Variants in AK9 observed in about 807,000 individuals in gnomAD.
AK9 encodes the protein adenylate kinase domain containing 1.
Under a neutral mutation model 239.6 loss-of-function variants are expected in AK9, and 191 were observed. That is an observed-to-expected ratio of 0.80 (90% CI 0.71 to 0.90). The LOEUF (loss-of-function observed/expected upper bound fraction) is 0.90, where lower values mean the gene tolerates loss of function less well. AK9 is among the 40% of genes least tolerant of loss of function. AK9 has a pLI of 0.00. For missense variants in AK9, 1,995 were observed against 2,214.7 expected (o/e 0.90, Z 1.99); for synonymous variants, 689 against 721.0 (o/e 0.96, Z 0.71).
rs376174161 is a variant in AK9, at chr6:109,510,026, G to A, written c.4280-646C>T. On this transcript the variant is annotated intron_variant, in intron 32 of 40. Transcript: ENST00000424296. ...GCAGGGGTTGGGGCCAAGCCCCAGG[G>A]GCCATTGATTCCTGGCAGATTGATT... Among the ~76,000 whole-genome samples the A allele has an allele frequency of 1.6e-4, 25 of 152,180 alleles. No individual in the cohort carries two copies. The South Asian group carries it at 3.1e-3, about 19-fold the overall frequency.
chr6:109,623,823 C>CT (rs1321014524), intron 12 of AK9, among the ~76,000 whole-genome samples: 1 of 148,434 alleles, frequency 6.7e-6, no homozygotes. Flanking sequence ...CTGGATAAAA[C>CT]TTTTTCTTCC....
At position 109,638,904 on chromosome 6, in the gene AK9, T is replaced by C. The variant is rs1038057298; in HGVS notation, c.933+2614A>G. On this transcript the variant is annotated intron_variant, in intron 10 of 40. Coordinates refer to ENST00000424296, the MANE Select transcript of AK9 (RefSeq NM_001145128.3). Reference sequence around the variant, plus strand: ...CCTATGAGTGAGAACATGCAGTGTTTGGTTTTCTGTCCTTGCCATAGTTTG... The same window carrying C: ...CCTATGAGTGAGAACATGCAGTGTTCGGTTTTCTGTCCTTGCCATAGTTTG... Among the ~76,000 whole-genome samples the C allele has an allele frequency of 5.9e-5, 9 of 152,204 alleles. 1 individual carries two copies. Among genetic ancestry groups the C allele is most frequent in the Admixed American group, 5.2e-4 (8 of 15,284 alleles).
intron 21 of AK9, among the ~76,000 whole-genome samples, chr6:109,566,236 G>A (rs866194335): frequency 3.9e-5 from 6 of 152,140 alleles, no homozygotes; most frequent in African/African-American, 4.8e-5. Context: ...AAAAGTACAC[G>A]TGTGTGGGAG....
chr6:109,660,245 T>C (rs1041139376), intron 6 of AK9, among the ~76,000 whole-genome samples: 2 of 152,170 alleles, frequency 1.3e-5, no homozygotes, highest in Non-Finnish European at 2.9e-5. Flanking sequence ...AATTGTGCTC[T>C]GAATGTTTTT....
At chr6:109,589,679 A>G (rs1789966055) in intron 17 of AK9, among the ~76,000 whole-genome samples, 1 of 152,164 alleles carries the variant, frequency 6.6e-6, no homozygotes, top group Admixed American at 6.5e-5. Context: ...TTCCTCATTC[A>G]GTAAAATGTT....
rs566866876 is a variant in AK9, at chr6:109,641,491, A to G, written c.933+27T>C. On this transcript the variant is annotated intron_variant, in intron 10 of 40. Coordinates refer to ENST00000424296, the MANE Select transcript of AK9 (RefSeq NM_001145128.3). ...GCCCACAACATATATTGAAAATTAG[A>G]CTTTCAGACAGTTCCATATAACTTA... The G allele has an allele frequency of 4.5e-6, 7 of 1,571,826 alleles. No individual in the cohort carries two copies. The East Asian group carries it at 1.6e-4, about 35-fold the overall frequency.
chr6:109,664,197 T>C (rs955895828), intron 5 of AK9, among the ~76,000 whole-genome samples: 1 of 152,184 alleles, frequency 6.6e-6, no homozygotes, highest in East Asian at 1.9e-4. Flanking sequence ...TAAATACATA[T>C]AGCCCATGTA....
chr6:109,616,871 C>T (rs545142782), intron 13 of AK9, among the ~76,000 whole-genome samples: 59 of 152,166 alleles, frequency 3.9e-4, no homozygotes, highest in African/African-American at 1.4e-3. Flanking sequence ...AACTATACTT[C>T]TTTTCAAATT....
At chr6:109,517,852 T>C (rs1779425528) in intron 29 of AK9, among the ~76,000 whole-genome samples, 2 of 152,124 alleles carry the variant, frequency 1.3e-5, no homozygotes, top group African/African-American at 4.8e-5. Flanking sequence ...AACCCTATAA[T>C]AATCATCCTC....
At chr6:109,639,394 G>C (rs982864735) in intron 10 of AK9, among the ~76,000 whole-genome samples, 1 of 152,208 alleles carries the variant, frequency 6.6e-6, no homozygotes, top group Non-Finnish European at 1.5e-5. Flanking sequence ...GCATTTCTCT[G>C]ATGACCAGTG....
At chr6:109,516,783 G>C (rs1410395929) in intron 29 of AK9, 141 bp from the exon 30 acceptor site, 1 of 730,060 alleles carries the variant, frequency 1.4e-6, no homozygotes, top group Non-Finnish European at 2.2e-6. Flanking sequence ...ACGCAATAAG[G>C]TTTTAAATAT....
At chr6:109,632,309 G>C in intron 12 of AK9, 1 of 985,692 alleles carries the variant, frequency 1.0e-6, no homozygotes. Flanking sequence ...ATTCCTTCTT[G>C]CATAGGCAAT....
chr6:109,606,991 A>T (rs1298327664), intron 17 of AK9, among the ~76,000 whole-genome samples: 1 of 152,174 alleles, frequency 6.6e-6, no homozygotes, highest in Non-Finnish European at 1.5e-5. Context: ...GTAAAATATA[A>T]CCTATTTTCT....
intron 13 of AK9, among the ~76,000 whole-genome samples, chr6:109,617,321 G>A (rs541970018): frequency 8.0e-4 from 122 of 152,008 alleles, no homozygotes; most frequent in Non-Finnish European, 1.6e-3. Flanking sequence ...CAAACAATAA[G>A]CACCCATTTC....
At chr6:109,505,770 G>A (rs774963990) in intron 35 of AK9, among the ~76,000 whole-genome samples, 1 of 152,080 alleles carries the variant, frequency 6.6e-6, no homozygotes, top group Non-Finnish European at 1.5e-5. Context: ...CTTGGGTAGC[G>A]GCAGTCATTT....
intron 20 of AK9, among the ~76,000 whole-genome samples, chr6:109,579,190 G>C (rs750271165): frequency 6.6e-6 from 1 of 152,150 alleles, no homozygotes; most frequent in Non-Finnish European, 1.5e-5. Flanking sequence ...CTGTAGGATG[G>C]TTCTAACGAA....
chr6:109,650,243 A>T (rs1435713622), intron 8 of AK9, among the ~76,000 whole-genome samples: 1 of 151,548 alleles, frequency 6.6e-6, no homozygotes, highest in Non-Finnish European at 1.5e-5. Flanking sequence ...ATGGAATCTA[A>T]TTAAACTAAA....
At chr6:109,659,562 A>C (rs553833663) in intron 6 of AK9, 149 bp from the exon 7 acceptor site, 1 of 1,056,122 alleles carries the variant, frequency 9.5e-7, no homozygotes, top group East Asian at 3.1e-5. Context: ...ATTTTGCATC[A>C]GGTTTCATTA....
rs766302123 is a variant in AK9 at position 109,506,531 on chromosome 6, G to A, written c.4645C>T (p.His1549Tyr). ...ACAGCTACAATTTGTGCACTATTGTGCAATGGATAAGGCAATCTAATAGGG... is the reference window on the plus strand; with the variant it reads ...ACAGCTACAATTTGTGCACTATTGTACAATGGATAAGGCAATCTAATAGGG... The part of the protein sequence containing the change: ...ENEQRLPYPL[H>Y]NSAQIVAVNN... Residue 1549 changes from histidine to tyrosine, a missense_variant, in exon 35 of 41, where the codon CAC becomes TAC. Transcript: ENST00000424296. The A allele has an allele frequency of 6.3e-7, 1 of 1,589,198 alleles. No homozygotes were observed. Among genetic ancestry groups the A allele is most frequent in the Non-Finnish European group, 8.6e-7 (1 of 1,165,360 alleles).
Sources: allele counts gnomAD v4.1 joint callset (sites outside exome capture counted in the v4.1 genomes callset), GRCh38; gene constraint gnomAD v4.1.1; transcripts MANE v1.5; gene names NCBI Gene and HGNC (gene_info 2026-07-23, HGNC 2026-07-21).